The following ATP6AP1 variants were observed in gnomAD, a reference collection of about 807,000 sequenced individuals.
ATP6AP1 encodes V-type proton ATPase subunit S1.
A neutral mutation model predicts 32.0 loss-of-function variants in ATP6AP1; 1 was observed. The observed-to-expected ratio is 0.03, with a 90% CI of 0.01 to 0.15. The LOEUF (loss-of-function observed/expected upper bound fraction) is 0.15, where lower values mean the gene tolerates loss of function less well. Among genes scored for constraint, ATP6AP1 ranks in the 10% least tolerant of loss-of-function variants. The probability of loss-of-function intolerance (pLI) is 1.00; values close to 1 mark genes in which losing one functional copy is unlikely to be tolerated. For synonymous variants in ATP6AP1, 187 were observed against 174.9 expected (o/e 1.07, Z -0.55); for missense variants, 297 against 398.8 (o/e 0.74, Z 2.17).
chrX:154,429,912 G>A (rs782485119), intron 2 of ATP6AP1: 1 of 112,042 alleles, frequency 8.9e-6, no homozygotes, highest in Admixed American at 9.5e-5. Context: ...GTCTCCCTTG[G>A]TTGCTGTGTG....
intron 2 of ATP6AP1, chrX:154,429,410 A>C (rs1343514616): frequency 2.3e-5 from 9 of 388,715 alleles, no homozygotes; most frequent in Non-Finnish European, 4.1e-5. Flanking sequence ...CCAGGTACCT[A>C]CTGAGTACCA....
rs1557196825 is a variant in ATP6AP1, at chrX:154,431,861, G to C, written c.320G>C (p.Gly107Ala). Reference sequence around the variant, plus strand: ...ATTGAGGATTTCACAGCATATGGCGGTGTGTTTGGAAACAAGCAGGACAGC... The same window carrying C: ...ATTGAGGATTTCACAGCATATGGCGCTGTGTTTGGAAACAAGCAGGACAGC... ...LSIEDFTAYG[G>A]VFGNKQDSAF... is the part of the protein sequence containing the mutation. Residue 107 changes from glycine to alanine, a missense_variant, in exon 3 of 10, where the codon GGT becomes GCT. Transcript: ENST00000369762. 8.3e-7 allele frequency: 1 copy of C among 1,210,016 alleles called. No homozygotes were observed. Among genetic ancestry groups the C allele is most frequent in the East Asian group, 3.0e-5 (1 of 33,785 alleles).
intron 2 of ATP6AP1, chrX:154,431,098 CG>C (rs1340371289): frequency 3.6e-5 from 4 of 110,741 alleles, no homozygotes; most frequent in African/African-American, 1.3e-4. Flanking sequence ...CTGAGAACCC[CG>C]GTGGCCAAAC....
intron 3 of ATP6AP1, 79 bp downstream of exon 3, chrX:154,431,983 T>C (rs2068695896): frequency 9.4e-7 from 1 of 1,060,550 alleles, no homozygotes; most frequent in African/African-American, 1.8e-5. Context: ...TACTCTGACC[T>C]CATATCAGGG....
Position 154,435,662 on chromosome X carries a change from C to A in ATP6AP1, c.1204-20C>A, listed in dbSNP as rs369182392. On this transcript the variant is annotated intron_variant, in intron 9 of 9. Transcript: ENST00000369762. ...GGCCTCCCAACGGTCCTTTCTGACC[C>A]GTGTCTGTGTGTCTGCCAGATCCAG... The A allele has an allele frequency of 8.3e-7, 1 of 1,208,924 alleles. No homozygotes were observed. The highest frequency in any genetic ancestry group is 1.8e-5 in the South Asian group (1 of 56,921).
rs2068719103 is a variant in ATP6AP1, at chrX:154,436,250, G to A, written c.*359G>A. On this transcript the variant is annotated 3_prime_UTR_variant, in exon 10 of 10. Coordinates refer to ENST00000369762, the MANE Select transcript of ATP6AP1 (RefSeq NM_001183.6). ...GTGTAGCAAATGCTCCCTCCTTAAG[G>A]TTATAGGGCTCCCTGAGTTTGGGAG... 9.0e-6 allele frequency: 2 copies of A among 222,773 alleles called. No individual in the cohort carries two copies. The highest frequency in any genetic ancestry group is 2.8e-5 in the African/African-American group (1 of 35,165). The allele number at this position is 222,773 out of a possible 1,213,427, so 18.4% of individuals were successfully genotyped here.
At chrX:154,432,824 T>G in intron 4 of ATP6AP1, 107 bp from the exon 5 acceptor site, 1 of 960,347 alleles carries the variant, frequency 1.0e-6, no homozygotes, top group Non-Finnish European at 1.5e-6. Flanking sequence ...GTGTGCAGGC[T>G]TGGTGCGTGG....
At position 154,434,228 on chromosome X, in the gene ATP6AP1, G is replaced by C; in HGVS notation, c.705G>C (p.Val235=). ...TGCAGGTGGCCCGTGATGTAGCCGT[G>C]GTGGCCGGAGGGCTAGGTCGCCAGC... ...RPSRVARDVA[V]VAGGLGRQLL... Residue 235 remains valine, a synonymous_variant, in exon 7 of 10, where the codon GTG becomes GTC. Coordinates refer to ENST00000369762, the MANE Select transcript of ATP6AP1 (RefSeq NM_001183.6). 1 of 1,211,597 alleles carries C rather than the reference G, an allele frequency of 8.3e-7. No individual in the cohort carries two copies. The highest frequency in any genetic ancestry group is 1.8e-5 in the South Asian group (1 of 57,000).
intron 2 of ATP6AP1, 111 bp downstream of exon 2, chrX:154,429,285 A>C (rs1557196420): frequency 1.0e-6 from 1 of 981,818 alleles, no homozygotes; most frequent in Non-Finnish European, 1.4e-6. Flanking sequence ...CCTTGTCCCA[A>C]CTGTAGGGAG....
At position 154,434,131 on chromosome X, in the gene ATP6AP1, G is replaced by A. The variant is rs1426313667; in HGVS notation, c.685-77G>A. The A allele has an allele frequency of 1.1e-5, 11 of 992,456 alleles. No individual in the cohort carries two copies. The East Asian group carries it at 3.4e-4, about 30-fold the overall frequency. The allele number at this position is 992,456 out of a possible 1,213,427, so 81.8% of individuals were successfully genotyped here. The stretch of plus-strand genomic sequence containing the variant: ...ACAGGGTGTCCTGTTGGGAGGGGAA[G>A]GAGGGCACGACAATTGGGTTCAAGT... On this transcript the variant is annotated intron_variant, in intron 6 of 9. Transcript: ENST00000369762.
rs781946895 is a variant in ATP6AP1 at position 154,429,076 on chromosome X, C to G, written c.190C>G (p.His64Asp). The G allele has an allele frequency of 1.7e-6, 2 of 1,210,328 alleles. No individual in the cohort carries two copies. Among genetic ancestry groups the G allele is most frequent in the African/African-American group, 1.7e-5 (1 of 57,252 alleles). The change falls in exon 2 of 10, where the codon CAT (histidine) becomes GAT (aspartate). Residue 64 changes from histidine to aspartate, a missense_variant. By Grantham distance (81) the His-to-Asp change is moderately conservative. Coordinates refer to ENST00000369762, the MANE Select transcript of ATP6AP1 (RefSeq NM_001183.6). ...RDLWAPAADTHEGHITSDLQL... is the reference protein window; with the variant it reads ...RDLWAPAADTDEGHITSDLQL... Reference sequence around the variant, plus strand: ...CTTGTGGGCTCCTGCGGCCGACACTCATGAAGGCCACATCACCAGCGACTT... The same window carrying G: ...CTTGTGGGCTCCTGCGGCCGACACTGATGAAGGCCACATCACCAGCGACTT...
Position 154,435,955 on chromosome X carries a change from G to A in ATP6AP1, c.*64G>A. 4.8e-6 allele frequency: 5 copies of A among 1,052,300 alleles called. No individual in the cohort carries two copies. Among genetic ancestry groups the A allele is most frequent in the Non-Finnish European group, 6.6e-6 (5 of 757,309 alleles). The allele number at this position is 1,052,300 out of a possible 1,213,427, so 86.7% of individuals were successfully genotyped here. ...CGTGTTGTTGCTTTCCCACCCTGCA[G>A]CGCACTGGACTGAAGAGCTTCCCTC... On this transcript the variant is annotated 3_prime_UTR_variant, in exon 10 of 10. Transcript: ENST00000369762.
At chrX:154,429,508 G>A in intron 2 of ATP6AP1, 1 of 196,582 alleles carries the variant, frequency 5.1e-6, no homozygotes, top group Non-Finnish European at 9.5e-6. Flanking sequence ...GAGGCTGGAG[G>A]TTAAGTGACT....
chrX:154,431,450 C>G, intron 2 of ATP6AP1: 1 of 189,187 alleles, frequency 5.3e-6, no homozygotes, highest in African/African-American at 2.9e-5. Context: ...TTTTCTCTGG[C>G]TGGGAGGCCT....
At chrX:154,432,030 C>T (rs2068696128) in intron 3 of ATP6AP1, 126 bp downstream of exon 3, 2 of 775,708 alleles carry the variant, frequency 2.6e-6, no homozygotes, top group East Asian at 6.4e-5. Context: ...TCAACCATCC[C>T]CCCCAAAAAC....
Position 154,432,296 on chromosome X carries a change from G to A in ATP6AP1, c.394G>A (p.Val132Met). The A allele has an allele frequency of 2.5e-6, 3 of 1,209,386 alleles. No homozygotes were observed. Among genetic ancestry groups the A allele is most frequent in the Non-Finnish European group, 3.4e-6 (3 of 893,793 alleles). Reference protein sequence around the residue: ...NALDLAPSSLVLPAVDWYAVS... With the variant: ...NALDLAPSSLMLPAVDWYAVS... ...CCTGGACCTGGCCCCCTCCTCACTGGTGCTTCCTGCCGTCGACTGGTATGC... is the reference window on the plus strand; with the variant it reads ...CCTGGACCTGGCCCCCTCCTCACTGATGCTTCCTGCCGTCGACTGGTATGC... The change falls in exon 4 of 10, where the codon GTG (valine) becomes ATG (methionine). Residue 132 changes from valine to methionine, a missense_variant. Coordinates refer to ENST00000369762, the MANE Select transcript of ATP6AP1 (RefSeq NM_001183.6).
chrX:154,428,889 G>T, intron 1 of ATP6AP1, 36 bp downstream of exon 1: 1 of 1,087,224 alleles, frequency 9.2e-7, no homozygotes, highest in Non-Finnish European at 1.2e-6. Context: ...TGTGGCGGCT[G>T]AGGCGCCCTC....
intron 2 of ATP6AP1, chrX:154,430,889 G>A (rs1557196670): frequency 9.0e-6 from 1 of 111,290 alleles, no homozygotes; most frequent in Non-Finnish European, 1.9e-5. Context: ...CACAGTGAGT[G>A]AGAGAAAGGG....
intron 7 of ATP6AP1, among the ~76,000 whole-genome samples, 173 bp downstream of exon 7, chrX:154,434,619 G>A (rs185695994): frequency 3.0e-4 from 33 of 111,646 alleles, no homozygotes; most frequent in Admixed American, 2.8e-3. Context: ...GGCATGGGGT[G>A]CTGTTGGAGG....
Sources: allele counts gnomAD v4.1 joint callset (sites outside exome capture counted in the v4.1 genomes callset), GRCh38; gene constraint gnomAD v4.1.1; transcripts MANE v1.5; gene names NCBI Gene and HGNC (gene_info 2026-07-23, HGNC 2026-07-21).